ARHGAP8: variants seen among roughly 807,000 people sequenced by gnomAD.
ARHGAP8 encodes the protein Rho GTPase activating protein 8.
Under a neutral mutation model 46.1 loss-of-function variants are expected in ARHGAP8, and 62 were observed. The observed-to-expected ratio is 1.34, with a 90% confidence interval of 1.10 to 1.66. ARHGAP8 has a LOEUF of 1.66. Ranked by LOEUF, ARHGAP8 falls within the 40% of genes most tolerant of loss-of-function variation. The pLI, the probability that ARHGAP8 is intolerant of heterozygous loss-of-function variation, is 0.00. For missense variants in ARHGAP8, 923 were observed against 568.4 expected (o/e 1.62, Z -6.34); for synonymous variants, 375 against 243.1 (o/e 1.54, Z -5.05).
At chr22:44,785,563 C>A (rs6006885) in intron 1 of ARHGAP8, among the ~76,000 whole-genome samples, 16,578 of 152,110 alleles carry the variant, frequency 0.11, 1,215 homozygotes, top group African/African-American at 0.2. Context: ...ATCTTAACTA[C>A]TTACATCTCC....
chr22:44,846,664 T>C (rs956786366), intron 8 of ARHGAP8, among the ~76,000 whole-genome samples: 1 of 152,152 alleles, frequency 6.6e-6, no homozygotes, highest in African/African-American at 2.4e-5. Flanking sequence ...TCTCCAATTC[T>C]GCCCCTCTCC....
chr22:44,828,425 ATTTTTTTTT>A (rs535537198), intron 7 of ARHGAP8, among the ~76,000 whole-genome samples: 27 of 118,258 alleles, frequency 2.3e-4, no homozygotes, highest in African/African-American at 8.7e-4. Context: ...GCAGACCAGA[ATTTTTTTTT>A]TTTTTTTTTT....
At position 44,862,353 on chromosome 22, in the gene ARHGAP8, T is replaced by TC. The variant is rs747804408; in HGVS notation, c.1063dup (p.Gln355ProfsTer17). ...CTTCGGGCTGAATTTGATCTGGCCA[T>TC]CCCAGGGGGTCTCCTCCCTGAGTGC... is the stretch of plus-strand genomic sequence containing the variant. On this transcript the variant is annotated frameshift_variant, in exon 12 of 12. Transcript: ENST00000356099. LOFTEE classifies it low-confidence loss of function (END_TRUNC). The TC allele has an allele frequency of 6.2e-7, 1 of 1,614,054 alleles. No homozygotes were observed. Among genetic ancestry groups the TC allele is most frequent in the Non-Finnish European group, 8.5e-7 (1 of 1,179,956 alleles).
In ARHGAP8 at chr22:44,862,534, CG is replaced by C; in HGVS notation, c.1244del (p.Gly415AlafsTer12). On this transcript the variant is annotated frameshift_variant, in exon 12 of 12. Transcript: ENST00000356099. LOFTEE classifies it low-confidence loss of function (END_TRUNC). ...GAGGCTGTGCCACGGACACAAGCCA[CG>C]GGCCTCACCAAGCCTACCCTACCTC... Reference protein sequence around the residue: ...LQEAVPRTQATGLTKPTLPPS... With the variant: ...LQEAVPRTQAXGLTKPTLPPS... 1 of 1,609,052 alleles carries C rather than the reference CG, an allele frequency of 6.2e-7. No homozygotes were observed. Among genetic ancestry groups the C allele is most frequent in the East Asian group, 2.2e-5 (1 of 44,742 alleles).
At chr22:44,842,871 G>A (rs986980427) in intron 7 of ARHGAP8, among the ~76,000 whole-genome samples, 6 of 152,194 alleles carry the variant, frequency 3.9e-5, no homozygotes, top group Admixed American at 2.6e-4. Context: ...GCAAGGCCAG[G>A]GAGACCCAGT....
At chr22:44,823,766 G>T (rs1930318163) in intron 6 of ARHGAP8, among the ~76,000 whole-genome samples, 1 of 152,146 alleles carries the variant, frequency 6.6e-6, no homozygotes, top group South Asian at 2.1e-4. Context: ...ATTTGGGGAT[G>T]AAATGGACGG....
intron 10 of ARHGAP8, among the ~76,000 whole-genome samples, chr22:44,853,082 A>G (rs1245616590): frequency 2.6e-5 from 4 of 151,720 alleles, no homozygotes; most frequent in African/African-American, 4.9e-5. Context: ...GATTACAGGC[A>G]TGAGCCACCG....
chr22:44,792,270 A>G (rs1171246121), intron 2 of ARHGAP8, among the ~76,000 whole-genome samples: 1 of 152,120 alleles, frequency 6.6e-6, no homozygotes, highest in Non-Finnish European at 1.5e-5. Flanking sequence ...TCGGCCTCCC[A>G]AAGTGCTGGG....
intron 1 of ARHGAP8, among the ~76,000 whole-genome samples, chr22:44,779,927 CTGCGGGCT>C (rs1025517526): frequency 2.0e-5 from 3 of 152,098 alleles, no homozygotes; most frequent in Admixed American, 2.0e-4. Flanking sequence ...TCCTCAAACC[CTGCGGGCT>C]TGTGTGAAAC....
In ARHGAP8 at chr22:44,862,406, A is replaced by G. The variant is rs1043168949; in HGVS notation, c.1113A>G (p.Glu371=). The G allele has an allele frequency of 1.2e-6, 2 of 1,613,938 alleles. No individual in the cohort carries two copies. Among genetic ancestry groups the G allele is most frequent in the Non-Finnish European group, 1.7e-6 (2 of 1,179,988 alleles). ...SALVPLNMFT[E]LLIEYYEKIF... is the part of the protein sequence containing the mutation. ...TTGTGCCCCTGAACATGTTCACTGA[A>G]CTGCTGATCGAGTACTATGAAAAGA... Residue 371 remains glutamate, a synonymous_variant, in exon 12 of 12, where the codon GAA becomes GAG. Coordinates refer to ENST00000356099, the MANE Select transcript of ARHGAP8 (RefSeq NM_181335.3).
intron 10 of ARHGAP8, among the ~76,000 whole-genome samples, chr22:44,852,451 T>G (rs2070120977): frequency 6.6e-6 from 1 of 152,126 alleles, no homozygotes; most frequent in Non-Finnish European, 1.5e-5. Context: ...ACACCTGCCT[T>G]TCTTAGATTC....
At position 44,791,003 on chromosome 22, in the gene ARHGAP8, G is replaced by A. The variant is rs1189276662; in HGVS notation, c.79+4397G>A. On this transcript the variant is annotated intron_variant, in intron 2 of 11. Transcript: ENST00000356099. Reference sequence around the variant, plus strand: ...CCTCATTGGCCTCCCAAAGTGCCAGGATTACAGGCGTGAGCCACCGCACCT... The same window carrying A: ...CCTCATTGGCCTCCCAAAGTGCCAGAATTACAGGCGTGAGCCACCGCACCT... Among the ~76,000 whole-genome samples, 5 of 152,062 alleles carry A rather than the reference G, an allele frequency of 3.3e-5. No homozygotes were observed. The South Asian group carries it at 1.0e-3, about 32-fold the overall frequency.
intron 2 of ARHGAP8, among the ~76,000 whole-genome samples, chr22:44,790,229 T>C (rs187117784): frequency 1.3e-5 from 2 of 152,166 alleles, no homozygotes; most frequent in African/African-American, 4.8e-5. Flanking sequence ...GTTAATGTCG[T>C]GGCAGTGGGA....
At chr22:44,821,860 G>A (rs1270718427) in intron 5 of ARHGAP8, among the ~76,000 whole-genome samples, 1 of 152,160 alleles carries the variant, frequency 6.6e-6, no homozygotes, top group Non-Finnish European at 1.5e-5. Flanking sequence ...GCTCCCTGGG[G>A]TCCGAGAGAC....
Position 44,862,385 on chromosome 22 carries a change from GC to G in ARHGAP8, c.1096del (p.Leu366Ter). 2 of 1,614,116 alleles carry G rather than the reference GC, an allele frequency of 1.2e-6. No individual in the cohort carries two copies. Among genetic ancestry groups the G allele is most frequent in the South Asian group, 1.1e-5 (1 of 91,076 alleles). ...QGVSSLSALV[P>X]LNMFTELLIE... Reference sequence around the variant, plus strand: ...GGGTCTCCTCCCTGAGTGCCCTTGTGCCCCTGAACATGTTCACTGAACTGCT... The same window carrying G: ...GGGTCTCCTCCCTGAGTGCCCTTGTGCCCTGAACATGTTCACTGAACTGCT... On this transcript the variant is annotated frameshift_variant, in exon 12 of 12. Coordinates refer to ENST00000356099, the MANE Select transcript of ARHGAP8 (RefSeq NM_181335.3). LOFTEE classifies it low-confidence loss of function (END_TRUNC).
intron 1 of ARHGAP8, among the ~76,000 whole-genome samples, chr22:44,766,607 G>T (rs1249134778): frequency 2.0e-5 from 3 of 152,122 alleles, no homozygotes; most frequent in African/African-American, 7.2e-5. Flanking sequence ...TGTAAGATAT[G>T]TGGAAAGTAC....
chr22:44,812,684 C>T (rs999394285), intron 4 of ARHGAP8, among the ~76,000 whole-genome samples: 9 of 152,206 alleles, frequency 5.9e-5, no homozygotes, highest in African/African-American at 1.9e-4. Context: ...AGTTAATTAA[C>T]ATTTCTTGGA....
chr22:44,854,737 C>A (rs1482548845), intron 10 of ARHGAP8, among the ~76,000 whole-genome samples: 1 of 152,170 alleles, frequency 6.6e-6, no homozygotes, highest in East Asian at 1.9e-4. Flanking sequence ...CTCCTGGGTT[C>A]AAGCAATTCT....
intron 2 of ARHGAP8, among the ~76,000 whole-genome samples, chr22:44,792,586 C>T (rs1221708786): frequency 6.6e-6 from 1 of 152,148 alleles, no homozygotes; most frequent in Non-Finnish European, 1.5e-5. Flanking sequence ...GGCTCTCCTG[C>T]GTCCTTCAGG....
Sources: allele counts gnomAD v4.1 joint callset (sites outside exome capture counted in the v4.1 genomes callset), GRCh38; gene constraint gnomAD v4.1.1; transcripts MANE v1.5; gene names NCBI Gene and HGNC (gene_info 2026-07-23, HGNC 2026-07-21).